TMEM245: variants seen among roughly 807,000 people sequenced by gnomAD.
TMEM245 encodes transmembrane protein 245.
Under a neutral mutation model 101.2 loss-of-function variants are expected in TMEM245, and 69 were observed. The ratio of observed to expected loss-of-function variants is 0.68; its 90% confidence interval spans 0.56 to 0.83. The LOEUF (loss-of-function observed/expected upper bound fraction) is 0.83. Among genes scored for constraint, TMEM245 ranks in the 40% least tolerant of loss-of-function variants. The probability of loss-of-function intolerance (pLI) is 0.00; values close to 1 mark genes in which losing one functional copy is unlikely to be tolerated. For synonymous variants in TMEM245, 537 were observed against 449.8 expected (o/e 1.19, Z -2.45); for missense variants, 1,075 against 1,092.8 (o/e 0.98, Z 0.23).
At chr9:109,049,591 C>G (rs1013444320) in intron 14 of TMEM245, among the ~76,000 whole-genome samples, 5 of 152,118 alleles carry the variant, frequency 3.3e-5, no homozygotes, top group Non-Finnish European at 7.4e-5. Flanking sequence ...TTTTGGGAGG[C>G]CGAGGCAGGC....
At chr9:109,082,650 A>ATT (rs78965338) in intron 7 of TMEM245, among the ~76,000 whole-genome samples, 6 of 149,598 alleles carry the variant, frequency 4.0e-5, no homozygotes, top group Non-Finnish European at 6.0e-5. Context: ...TAGAGCCTCT[A>ATT]TTTTTTTTTT....
At chr9:109,117,894 T>A (rs138093270) in intron 1 of TMEM245, among the ~76,000 whole-genome samples, 1,677 of 152,330 alleles carry the variant, frequency 0.011, 14 homozygotes, top group South Asian at 0.03. Context: ...GCCTTCTAGC[T>A]AAGAAGCATT....
chr9:109,032,342 ATTTGGTTGTCCTATTTCTTTTCCTTT>A (rs1827971537), intron 17 of TMEM245, among the ~76,000 whole-genome samples: 2 of 99,690 alleles, frequency 2.0e-5, no homozygotes, highest in Non-Finnish European at 4.2e-5. Flanking sequence ...CATGCAATGC[ATTTGGTTGTCCTATTTCTTTTCCTTT>A]TTTTTTTTTT....
rs1588045756 is a variant in TMEM245, at chr9:109,064,345, G to C, written c.1623+132C>G. On this transcript the variant is annotated intron_variant, in intron 10 of 17. Coordinates refer to ENST00000374586, the MANE Select transcript of TMEM245 (RefSeq NM_032012.4). The stretch of plus-strand genomic sequence containing the variant: ...GATCTTTCAAAAGATTTCATTGTAT[G>C]TTGCTTACCTGTTTATTTAAGCCTA... The C allele has an allele frequency of 1.5e-5, 11 of 735,292 alleles. No individual in the cohort carries two copies. In the East Asian group the frequency reaches 2.9e-4, roughly 19 times the overall value. The allele number at this position is 735,292 out of a possible 1,614,324, so 45.5% of individuals were successfully genotyped here. A position where few individuals can be genotyped will look rare whatever the true frequency, so the allele number is the denominator to read the frequency against.
chr9:109,043,387 GTGGTCAAGCACCTAC>G (rs1367490735), intron 14 of TMEM245, among the ~76,000 whole-genome samples: 1 of 152,150 alleles, frequency 6.6e-6, no homozygotes, highest in Non-Finnish European at 1.5e-5. Context: ...TCACAACCAT[GTGGTCAAGCACCTAC>G]TGCAGAAATT....
At chr9:109,060,031 C>T (rs1005362311) in intron 11 of TMEM245, among the ~76,000 whole-genome samples, 6 of 152,038 alleles carry the variant, frequency 3.9e-5, no homozygotes, top group African/African-American at 1.2e-4. Context: ...AGGTAAAATT[C>T]GTTTAGTATA....
intron 14 of TMEM245, among the ~76,000 whole-genome samples, chr9:109,044,663 A>C (rs1335959150): frequency 1.3e-5 from 2 of 152,088 alleles, no homozygotes; most frequent in African/African-American, 2.4e-5. Context: ...TGCTCTCTAC[A>C]TATTTATGGG....
At chr9:109,055,990 A>G (rs1269785339) in intron 12 of TMEM245, among the ~76,000 whole-genome samples, 1 of 152,250 alleles carries the variant, frequency 6.6e-6, no homozygotes, top group East Asian at 1.9e-4. Context: ...AAGAAAACAA[A>G]GAGACAGAAA....
At chr9:109,033,927 CAATGAG>C (rs1389063719) in intron 16 of TMEM245, among the ~76,000 whole-genome samples, 2 of 152,202 alleles carry the variant, frequency 1.3e-5, no homozygotes, top group Non-Finnish European at 2.9e-5. Context: ...ACGACAGCAA[CAATGAG>C]AGCATCCCTG....
Position 109,020,411 on chromosome 9 carries a change from C to T in TMEM245, c.*49G>A, listed in dbSNP as rs116143242. ...CAGAGGGCCACAGCTGAGCTGAACT[C>T]GCTGTCAAATTTGAACTTCCTAGAA... On this transcript the variant is annotated 3_prime_UTR_variant, in exon 18 of 18. Transcript: ENST00000374586. 94 of 1,573,396 alleles carry T rather than the reference C, an allele frequency of 6.0e-5. No homozygotes were observed. In the African/African-American group the frequency reaches 9.4e-4, roughly 16 times the overall value.
At chr9:109,041,565 G>A (rs1162986723) in intron 14 of TMEM245, among the ~76,000 whole-genome samples, 1 of 142,522 alleles carries the variant, frequency 7.0e-6, no homozygotes, top group Non-Finnish European at 1.5e-5. Flanking sequence ...CTGGGCTCAA[G>A]TGATCCTCCC....
intron 3 of TMEM245, among the ~76,000 whole-genome samples, chr9:109,102,976 C>T (rs1830318892): frequency 6.6e-6 from 1 of 152,204 alleles, no homozygotes; most frequent in African/African-American, 2.4e-5. Context: ...GACAACCTCC[C>T]CACTTACAAC....
chr9:109,031,307 G>C (rs12350980), intron 17 of TMEM245, among the ~76,000 whole-genome samples: 8,290 of 152,244 alleles, frequency 0.054, 360 homozygotes, highest in Admixed American at 0.12. Flanking sequence ...TTTTTAAAAA[G>C]TTCATAGCAT....
In TMEM245 at chr9:109,097,897, C is replaced by T. The variant is rs770513633; in HGVS notation, c.800-4306G>A. Among the ~76,000 whole-genome samples the T allele has an allele frequency of 3.9e-5, 6 of 152,230 alleles. No homozygotes were observed. In the East Asian group the frequency reaches 5.8e-4, roughly 15 times the overall value. ...GATGGCACCACTGCACTAGCCTGGG[C>T]GACAGAGAGAGATTCCGTCTTGAAA... is the stretch of plus-strand genomic sequence containing the variant. On this transcript the variant is annotated intron_variant, in intron 3 of 17. Transcript: ENST00000374586.
At chr9:109,061,887 T>C (rs560532314) in intron 10 of TMEM245, among the ~76,000 whole-genome samples, 2 of 151,424 alleles carry the variant, frequency 1.3e-5, no homozygotes, top group South Asian at 2.1e-4. Context: ...TAATTTTTAG[T>C]GTCATGAGTA....
chr9:109,026,495 C>T (rs771220331), intron 17 of TMEM245, among the ~76,000 whole-genome samples: 31 of 151,522 alleles, frequency 2.0e-4, no homozygotes, highest in Non-Finnish European at 2.9e-4. Context: ...TGCACAAAGG[C>T]CCAGAGTTTC....
intron 7 of TMEM245, among the ~76,000 whole-genome samples, chr9:109,081,753 A>G (rs990429389): frequency 1.6e-4 from 24 of 152,204 alleles, no homozygotes; most frequent in African/African-American, 5.8e-4. Flanking sequence ...TGACATGACT[A>G]TAATTGATAT....
At chr9:109,087,489 C>CA (rs1213124443) in intron 5 of TMEM245, 147 bp from the exon 6 acceptor site, 1 of 778,970 alleles carries the variant, frequency 1.3e-6, no homozygotes, top group Non-Finnish European at 1.9e-6. Flanking sequence ...GGGTGGGACT[C>CA]AAAGTACTCC....
At chr9:109,087,806 T>C (rs1829884925) in intron 5 of TMEM245, among the ~76,000 whole-genome samples, 1 of 152,224 alleles carries the variant, frequency 6.6e-6, no homozygotes, top group Admixed American at 6.5e-5. Context: ...GTATAAGGTA[T>C]TCCATACGCA....
Sources: gnomAD v4.1 joint callset for allele counts (sites outside exome capture counted in the v4.1 genomes callset) on GRCh38, gnomAD v4.1.1 for gene constraint, MANE v1.5 for transcripts, NCBI Gene and HGNC (gene_info 2026-07-23, HGNC 2026-07-21) for gene names.